The following ANK1 variants were observed in gnomAD, a reference collection of about 807,000 sequenced individuals.
The protein encoded by ANK1 is ankyrin 1.
A neutral mutation model predicts 210.4 loss-of-function variants in ANK1; 51 were observed. The observed-to-expected ratio is 0.24, with a 90% CI of 0.19 to 0.31. The LOEUF (loss-of-function observed/expected upper bound fraction) is 0.31, where lower values mean the gene tolerates loss of function less well. Ranked by LOEUF, ANK1 falls within the 10% of genes least tolerant of loss-of-function variation. The probability of loss-of-function intolerance (pLI) is 1.00; values close to 1 mark genes in which losing one functional copy is unlikely to be tolerated. For synonymous variants in ANK1, 967 were observed against 1,025.9 expected (o/e 0.94, Z 1.10); for missense variants, 2,051 against 2,504.4 (o/e 0.82, Z 3.86).
At chr8:41,854,330 C>T (rs546543477) in intron 1 of ANK1, among the ~76,000 whole-genome samples, 1 of 152,328 alleles carries the variant, frequency 6.6e-6, no homozygotes, top group South Asian at 2.1e-4. Context: ...TAAAACCTGA[C>T]TCTGCTGGTA....
chr8:41,772,027 CAGTCAG>C (rs1467276030), intron 1 of ANK1, among the ~76,000 whole-genome samples: 1 of 152,132 alleles, frequency 6.6e-6, no homozygotes, highest in Non-Finnish European at 1.5e-5. Flanking sequence ...AAATGGTGGC[CAGTCAG>C]AGACATGAAG....
At chr8:41,671,106 G>A (rs1812114381) in intron 38 of ANK1, among the ~76,000 whole-genome samples, 2 of 152,240 alleles carry the variant, frequency 1.3e-5, no homozygotes, top group Admixed American at 1.3e-4. Context: ...CAGACTTGCA[G>A]TGTCTGGGAA....
At chr8:41,697,003 A>G (rs1821227081) in intron 24 of ANK1, among the ~76,000 whole-genome samples, 1 of 152,182 alleles carries the variant, frequency 6.6e-6, no homozygotes, top group Admixed American at 6.5e-5. Context: ...ACCCTGGGAC[A>G]GAGCCTTGGA....
chr8:41,758,215 C>G, intron 1 of ANK1, 78 bp from the exon 2 acceptor site: 2 of 1,290,926 alleles, frequency 1.5e-6, no homozygotes, highest in Non-Finnish European at 2.2e-6. Flanking sequence ...CCCAGGCCCC[C>G]GCAGCAGCCC....
rs1321567277 is a variant in ANK1 at position 41,765,187 on chromosome 8, TTTC to T, written c.28-7053_28-7051del. 4.1e-3 allele frequency among the ~76,000 whole-genome samples: 624 copies of T among 151,196 alleles called. 8 individuals are homozygous for T. Among genetic ancestry groups the T allele is most frequent in the African/African-American group, 0.015 (605 of 41,138 alleles). ...TCCTTTCTTTTCCTTTCTTTCTTTC[TTTC>T]TTTTTCTTTCTCTTTTTTTCTCTTT... On this transcript the variant is annotated intron_variant, in intron 1 of 42. Coordinates refer to ENST00000289734, the MANE Select transcript of ANK1 (RefSeq NM_000037.4).
In ANK1 at chr8:41,686,021, C is replaced by A. The variant is rs1586070200; in HGVS notation, c.4390+131G>T. 9.8e-6 allele frequency: 14 copies of A among 1,422,472 alleles called. No homozygotes were observed. In the East Asian group the frequency reaches 2.8e-4, roughly 28 times the overall value. 88.1% of individuals were successfully genotyped at this position (1,422,472 alleles called of 1,614,324 possible). A position where few individuals can be genotyped will look rare whatever the true frequency, so the allele number is the denominator to read the frequency against. The stretch of plus-strand genomic sequence containing the variant: ...GGAAGACCTCCTGATGCGAGTGGTG[C>A]GTGAGTGTGTGTGAGAGAGACAGAG... On this transcript the variant is annotated intron_variant, in intron 36 of 42. Transcript: ENST00000289734.
chr8:41,835,175 G>T (rs1364652218), intron 1 of ANK1, among the ~76,000 whole-genome samples: 1 of 152,250 alleles, frequency 6.6e-6, no homozygotes, highest in Non-Finnish European at 1.5e-5. Context: ...AGGTGTAAGC[G>T]GGGTAGGTGG....
intron 1 of ANK1, among the ~76,000 whole-genome samples, chr8:41,837,768 G>A (rs1013306990): frequency 9.2e-5 from 14 of 152,176 alleles, no homozygotes; most frequent in African/African-American, 2.9e-4. Context: ...CTACTCAGGA[G>A]GCTGAGGCAG....
chr8:41,728,154 A>G (rs1232025928), intron 3 of ANK1, 148 bp from the exon 4 acceptor site: 1 of 659,640 alleles, frequency 1.5e-6, no homozygotes, highest in Admixed American at 2.3e-5. Context: ...TGTGTGCTTG[A>G]CCCATTGCAC....
intron 2 of ANK1, among the ~76,000 whole-genome samples, chr8:41,757,315 T>C (rs892882526): frequency 1.2e-4 from 18 of 152,210 alleles, no homozygotes; most frequent in African/African-American, 3.9e-4. Flanking sequence ...ACAACTTAAT[T>C]GGCAGGCAAA....
intron 22 of ANK1, among the ~76,000 whole-genome samples, chr8:41,701,185 G>A (rs923894662): frequency 3.3e-5 from 5 of 152,182 alleles, no homozygotes; most frequent in South Asian, 2.1e-4. Context: ...CTTAGTATTC[G>A]TTCAAAGCAC....
At chr8:41,816,225 C>G (rs962947117) in intron 1 of ANK1, among the ~76,000 whole-genome samples, 1 of 152,084 alleles carries the variant, frequency 6.6e-6, no homozygotes. Context: ...GTCACAAAAG[C>G]AAGAACATAA....
chr8:41,803,295 C>G (rs1453403613), intron 1 of ANK1: 2 of 152,184 alleles, frequency 1.3e-5, no homozygotes, highest in South Asian at 2.1e-4. Context: ...GTATCTTGAG[C>G]CTGTAGCCAG....
chr8:41,740,818 C>T (rs1046657183), intron 2 of ANK1, among the ~76,000 whole-genome samples: 1 of 152,208 alleles, frequency 6.6e-6, no homozygotes, highest in South Asian at 2.1e-4. Context: ...GATACAGGCG[C>T]AAACCAGGCC....
At position 41,686,883 on chromosome 8, in the gene ANK1, A is replaced by G. The variant is rs74409285; in HGVS notation, c.4259-600T>C. 2.6e-4 allele frequency among the ~76,000 whole-genome samples: 40 copies of G among 152,370 alleles called. 1 individual carries two copies. Among genetic ancestry groups the G allele is most frequent in the African/African-American group, 9.6e-4 (40 of 41,590 alleles). ...TTATTGTTATTGCTTTAGAAGGAAA[A>G]TAGCATTAGAGTCTAATTTCAAGGA... is the stretch of plus-strand genomic sequence containing the variant. On this transcript the variant is annotated intron_variant, in intron 35 of 42. Coordinates refer to ENST00000289734, the MANE Select transcript of ANK1 (RefSeq NM_000037.4).
rs1822987921 is a variant in ANK1, at chr8:41,702,074, A to G, written c.2366T>C (p.Val789Ala). 3 of 1,614,078 alleles carry G rather than the reference A, an allele frequency of 1.9e-6. No homozygotes were observed. The highest frequency in any genetic ancestry group is 3.3e-4 in the Middle Eastern group (2 of 6,084). ...TACCACGAAACTGGTTTCATCCGTG[A>G]CGACCTTGAGCACGTCGGTGACAGA... ...YISVTDVLKVVTDETSFVLVS... is the reference protein window; with the variant it reads ...YISVTDVLKVATDETSFVLVS... The change falls in exon 21 of 43, where the codon GTC (valine) becomes GCC (alanine). Residue 789 changes from valine (V) to alanine (A), a missense_variant. By Grantham distance (64) the Val-to-Ala change is moderately conservative (BLOSUM62 0). Coordinates refer to ENST00000289734, the MANE Select transcript of ANK1 (RefSeq NM_000037.4).
intron 13 of ANK1, among the ~76,000 whole-genome samples, chr8:41,716,257 C>T (rs190350371): frequency 2.0e-5 from 3 of 152,076 alleles, no homozygotes; most frequent in East Asian, 1.9e-4. Flanking sequence ...TGAGTGGATG[C>T]GCTTGTCTTT....
At position 41,878,118 on chromosome 8, in the gene ANK1, T is replaced by C. The variant is rs907075195; in HGVS notation, c.126+18237A>G. The stretch of plus-strand genomic sequence containing the variant: ...CAGACACCCACTCTTCTCAAACCCA[T>C]TATGCGACTTACCAAACAATCCCAA... On this transcript the variant is annotated intron_variant, in intron 1 of 42. Coordinates refer to the ANK1 transcript ENST00000265709. 3.3e-5 allele frequency among the ~76,000 whole-genome samples: 5 copies of C among 152,182 alleles called. No individual in the cohort carries two copies. The East Asian group carries it at 5.8e-4, about 18-fold the overall frequency.
chr8:41,690,136 C>G, intron 33 of ANK1, 91 bp downstream of exon 33: 1 of 1,580,314 alleles, frequency 6.3e-7, no homozygotes, highest in Non-Finnish European at 8.7e-7. Flanking sequence ...CAGGAAGAAG[C>G]CCCTTGGAAG....
Sources: gnomAD v4.1 joint callset for allele counts (sites outside exome capture counted in the v4.1 genomes callset) on GRCh38, gnomAD v4.1.1 for gene constraint, MANE v1.5 for transcripts, NCBI Gene and HGNC (gene_info 2026-07-23, HGNC 2026-07-21) for gene names.